The following GABRB1 variants were observed in gnomAD, a reference collection of about 807,000 sequenced individuals.
GABRB1 encodes the protein gamma-aminobutyric acid type A receptor subunit beta1, also known as gamma-aminobutyric acid receptor subunit beta-1.
A neutral mutation model predicts 51.6 loss-of-function variants in GABRB1; 17 were observed. That is an observed-to-expected ratio of 0.33 (90% CI 0.23 to 0.49). The LOEUF (loss-of-function observed/expected upper bound fraction) is 0.49, where lower values mean the gene tolerates loss of function less well. Ranked by LOEUF, GABRB1 falls within the 20% of genes least tolerant of loss-of-function variation. The pLI is 0.99. For missense variants in GABRB1, 410 were observed against 600.6 expected (o/e 0.68, Z 3.32); for synonymous variants, 247 against 218.9 (o/e 1.13, Z -1.14).
chr4:47,143,445 G>C (rs771966858), intron 3 of GABRB1, among the ~76,000 whole-genome samples: 8 of 151,716 alleles, frequency 5.3e-5, no homozygotes, highest in Admixed American at 1.3e-4. Flanking sequence ...TTGACAGGAG[G>C]AACAGGCACA....
intron 4 of GABRB1, among the ~76,000 whole-genome samples, chr4:47,195,163 G>A (rs1054724182): frequency 6.6e-6 from 1 of 152,040 alleles, no homozygotes; most frequent in Non-Finnish European, 1.5e-5. Context: ...TCATGAAATC[G>A]AGACCATCCT....
At chr4:47,049,279 T>C (rs532793539) in intron 3 of GABRB1, among the ~76,000 whole-genome samples, 1 of 152,278 alleles carries the variant, frequency 6.6e-6, no homozygotes, top group Admixed American at 6.5e-5. Flanking sequence ...ATTCACAAGA[T>C]TCCTGCCGGT....
chr4:47,080,844 G>A (rs1727812755), intron 3 of GABRB1, among the ~76,000 whole-genome samples: 1 of 152,188 alleles, frequency 6.6e-6, no homozygotes. Context: ...CCCATCTCTA[G>A]TTGTATTTAA....
At chr4:47,298,428 T>G (rs1209597938) in intron 4 of GABRB1, among the ~76,000 whole-genome samples, 1 of 152,174 alleles carries the variant, frequency 6.6e-6, no homozygotes, top group African/African-American at 2.4e-5. Flanking sequence ...ATCACAAGCA[T>G]TCTTATACAC....
At chr4:47,372,967 G>T (rs1180912013) in intron 5 of GABRB1, among the ~76,000 whole-genome samples, 1 of 152,074 alleles carries the variant, frequency 6.6e-6, no homozygotes, top group Non-Finnish European at 1.5e-5. Flanking sequence ...ACCTCTTTCT[G>T]CTGGACCCAC....
chr4:47,157,364 T>C (rs915086697), intron 3 of GABRB1, among the ~76,000 whole-genome samples: 1 of 152,136 alleles, frequency 6.6e-6, no homozygotes, highest in African/African-American at 2.4e-5. Context: ...GAAAACTTGT[T>C]GTGTAAGAGA....
At chr4:47,359,613 G>T (rs531214436) in intron 5 of GABRB1, among the ~76,000 whole-genome samples, 2 of 152,184 alleles carry the variant, frequency 1.3e-5, no homozygotes, top group Admixed American at 1.3e-4. Flanking sequence ...AAATAGTGAA[G>T]CTGAGTTAAA....
intron 3 of GABRB1, among the ~76,000 whole-genome samples, chr4:47,160,639 C>T (rs1717902684): frequency 1.3e-5 from 2 of 152,000 alleles, no homozygotes; most frequent in South Asian, 4.1e-4. Context: ...CTCTTTATGG[C>T]CTTCCCCATG....
At chr4:47,104,506 TTC>T (rs3050703) in intron 3 of GABRB1, among the ~76,000 whole-genome samples, 112,113 of 148,828 alleles carry the variant, frequency 0.75, 42,251 homozygotes, top group Middle Eastern at 0.81. Context: ...TCCTGCTGTC[TTC>T]TCTCTCTCTC....
intron 4 of GABRB1, among the ~76,000 whole-genome samples, chr4:47,262,795 A>G (rs1722492419): frequency 6.6e-6 from 1 of 152,164 alleles, no homozygotes; most frequent in Admixed American, 6.5e-5. Flanking sequence ...GAACCAACCC[A>G]AATTCCAACA....
chr4:47,302,327 T>A (rs1486097657), intron 4 of GABRB1, among the ~76,000 whole-genome samples: 1 of 152,078 alleles, frequency 6.6e-6, no homozygotes, highest in Non-Finnish European at 1.5e-5. Context: ...AATGTAAAAT[T>A]TTAGGAAATG....
chr4:47,197,326 C>A (rs935139490), intron 4 of GABRB1, among the ~76,000 whole-genome samples: 1 of 152,038 alleles, frequency 6.6e-6, no homozygotes, highest in African/African-American at 2.4e-5. Context: ...TCTGGATTAC[C>A]CCTTTTTATT....
chr4:47,352,701 T>C (rs939085621), intron 5 of GABRB1, among the ~76,000 whole-genome samples: 17 of 152,218 alleles, frequency 1.1e-4, no homozygotes, highest in African/African-American at 4.1e-4. Context: ...AGTACATTGT[T>C]ACATTCTAAT....
At chr4:47,191,856 G>T (rs568329423) in intron 4 of GABRB1, among the ~76,000 whole-genome samples, 2 of 151,946 alleles carry the variant, frequency 1.3e-5, no homozygotes, top group Non-Finnish European at 2.9e-5. Context: ...AATCAAATTA[G>T]TAGAAAAACT....
chr4:47,230,718 G>A (rs1310136302), intron 4 of GABRB1, among the ~76,000 whole-genome samples: 2 of 152,136 alleles, frequency 1.3e-5, no homozygotes, highest in African/African-American at 4.8e-5. Context: ...GAGTACTAGT[G>A]TCTAAAAACA....
intron 3 of GABRB1, among the ~76,000 whole-genome samples, chr4:47,144,818 G>GA (rs35716577): frequency 0.019 from 2,749 of 146,682 alleles, 86 homozygotes; most frequent in African/African-American, 0.063. Context: ...CATATACACA[G>GA]AAAAAAAAAA....
At chr4:47,362,423 T>C (rs1387978248) in intron 5 of GABRB1, among the ~76,000 whole-genome samples, 1 of 152,130 alleles carries the variant, frequency 6.6e-6, no homozygotes, top group Admixed American at 6.6e-5. Flanking sequence ...AAAATTTATA[T>C]CTGTAATGAG....
chr4:47,330,258 A>G (rs1267607936), intron 5 of GABRB1, among the ~76,000 whole-genome samples: 1 of 152,096 alleles, frequency 6.6e-6, no homozygotes, highest in East Asian at 1.9e-4. Flanking sequence ...TTAAATGTTA[A>G]TCTCCTCCAA....
At chr4:47,092,022 CT>C (rs769324837) in intron 3 of GABRB1, among the ~76,000 whole-genome samples, 3 of 152,134 alleles carry the variant, frequency 2.0e-5, no homozygotes, top group Non-Finnish European at 2.9e-5. Flanking sequence ...GTATCTCCCC[CT>C]AATCTTTCAC....
Sources: gnomAD v4.1 joint callset for allele counts (sites outside exome capture counted in the v4.1 genomes callset) on GRCh38, gnomAD v4.1.1 for gene constraint, MANE v1.5 for transcripts, NCBI Gene and HGNC (gene_info 2026-07-23, HGNC 2026-07-21) for gene names.